Variants in ANKRD17 observed in about 807,000 individuals in gnomAD.
ANKRD17 encodes ankyrin repeat domain-containing protein 17.
ANKRD17 carries 19 observed loss-of-function variants against 229.7 expected under a neutral mutation model. That is an observed-to-expected ratio of 0.08 (90% confidence interval 0.06 to 0.12). ANKRD17 has a LOEUF of 0.12. ANKRD17 is among the 10% of genes least tolerant of loss of function. The pLI, the probability that ANKRD17 is intolerant of heterozygous loss-of-function variation, is 1.00. For missense variants in ANKRD17, 2,176 were observed against 3,176.8 expected (o/e 0.68, Z 7.57); for synonymous variants, 1,112 against 1,146.1 (o/e 0.97, Z 0.60).
At chr4:73,185,035 T>C (rs1270391033) in intron 1 of ANKRD17, among the ~76,000 whole-genome samples, 1 of 151,836 alleles carries the variant, frequency 6.6e-6, no homozygotes, top group Non-Finnish European at 1.5e-5. Context: ...GTAAAACAAA[T>C]GCATTATGTG....
At chr4:73,152,874 C>G (rs962423842) in intron 6 of ANKRD17, among the ~76,000 whole-genome samples, 2 of 152,130 alleles carry the variant, frequency 1.3e-5, no homozygotes, top group African/African-American at 4.8e-5. Context: ...ATCTGAAAAT[C>G]TATTAACATC....
At chr4:73,256,119 T>A (rs980377252) in intron 1 of ANKRD17, among the ~76,000 whole-genome samples, 24 of 152,216 alleles carry the variant, frequency 1.6e-4, no homozygotes, top group African/African-American at 5.8e-4. Flanking sequence ...GGATAAGGTA[T>A]GTTAAAAACA....
At chr4:73,133,741 T>A (rs554386291) in intron 16 of ANKRD17, among the ~76,000 whole-genome samples, 2 of 151,874 alleles carry the variant, frequency 1.3e-5, no homozygotes, top group East Asian at 3.9e-4. Context: ...GTTAAGAGTG[T>A]CTTTGGGGGA....
intron 1 of ANKRD17, among the ~76,000 whole-genome samples, chr4:73,217,600 G>A (rs1010561025): frequency 6.6e-6 from 1 of 151,816 alleles, no homozygotes; most frequent in Non-Finnish European, 1.5e-5. Context: ...GGGCTCAAGC[G>A]ATCCTCTTGC....
intron 30 of ANKRD17, among the ~76,000 whole-genome samples, chr4:73,084,886 A>C (rs984884211): frequency 2.6e-5 from 4 of 152,114 alleles, no homozygotes; most frequent in African/African-American, 9.7e-5. Flanking sequence ...TTTTTCCCCC[A>C]AAAAATGATC....
chr4:73,176,502 A>G (rs1734756219), intron 2 of ANKRD17, among the ~76,000 whole-genome samples: 1 of 152,144 alleles, frequency 6.6e-6, no homozygotes, highest in South Asian at 2.1e-4. Flanking sequence ...CTGCATTCCC[A>G]TGTTAATTAG....
At chr4:73,176,298 T>C (rs1734726465) in intron 2 of ANKRD17, among the ~76,000 whole-genome samples, 1 of 152,066 alleles carries the variant, frequency 6.6e-6, no homozygotes, top group Non-Finnish European at 1.5e-5. Flanking sequence ...AGACAGGCAA[T>C]GACAAATGCT....
At chr4:73,160,216 T>TC (rs1171227516) in intron 3 of ANKRD17, among the ~76,000 whole-genome samples, 8 of 138,486 alleles carry the variant, frequency 5.8e-5, no homozygotes. Context: ...ATCACTTTTT[T>TC]TTTTTTTTTT....
intron 1 of ANKRD17, among the ~76,000 whole-genome samples, chr4:73,194,469 C>G (rs1737565994): frequency 6.6e-6 from 1 of 152,106 alleles, no homozygotes; most frequent in Non-Finnish European, 1.5e-5. Flanking sequence ...TATAATAAAT[C>G]TTTAAATTCT....
At chr4:73,216,176 CCACTCT>C (rs1296015366) in intron 1 of ANKRD17, among the ~76,000 whole-genome samples, 1 of 151,922 alleles carries the variant, frequency 6.6e-6, no homozygotes, top group African/African-American at 2.4e-5. Flanking sequence ...TAAAACAATG[CCACTCT>C]CACAAATTTT....
At chr4:73,119,090 T>C (rs1049013760) in intron 21 of ANKRD17, among the ~76,000 whole-genome samples, 1 of 151,844 alleles carries the variant, frequency 6.6e-6, no homozygotes, top group African/African-American at 2.4e-5. Context: ...TCTTCCTATG[T>C]TACCCAGGCT....
intron 2 of ANKRD17, among the ~76,000 whole-genome samples, chr4:73,168,435 T>G (rs1367163994): frequency 6.7e-6 from 1 of 148,176 alleles, no homozygotes; most frequent in African/African-American, 2.7e-5. Context: ...GCTAAATATT[T>G]GATTGTGTGT....
At chr4:73,093,178 A>G (rs1441789732) in intron 28 of ANKRD17, among the ~76,000 whole-genome samples, 1 of 152,194 alleles carries the variant, frequency 6.6e-6, no homozygotes, top group Non-Finnish European at 1.5e-5. Context: ...ACAAACTTAT[A>G]TCTGCCATGT....
chr4:73,238,483 T>C (rs1431170602), intron 1 of ANKRD17, among the ~76,000 whole-genome samples: 1 of 152,128 alleles, frequency 6.6e-6, no homozygotes, highest in African/African-American at 2.4e-5. Context: ...CCAAGATTAA[T>C]CCATGAATGT....
At chr4:73,192,982 T>A (rs1737336099) in intron 1 of ANKRD17, among the ~76,000 whole-genome samples, 1 of 152,164 alleles carries the variant, frequency 6.6e-6, no homozygotes, top group Non-Finnish European at 1.5e-5. Flanking sequence ...AAATTCACCC[T>A]TTTTTCGTGG....
At chr4:73,190,658 C>T (rs1465777757) in intron 1 of ANKRD17, among the ~76,000 whole-genome samples, 1 of 151,252 alleles carries the variant, frequency 6.6e-6, no homozygotes, top group Non-Finnish European at 1.5e-5. Context: ...AAAATACAGC[C>T]ATCCTTCTAG....
At chr4:73,131,037 G>A (rs1728131385) in intron 16 of ANKRD17, among the ~76,000 whole-genome samples, 1 of 152,088 alleles carries the variant, frequency 6.6e-6, no homozygotes, top group Non-Finnish European at 1.5e-5. Context: ...AAAGGTCAGA[G>A]CAATGCTATC....
chr4:73,202,870 A>G (rs1738863765), intron 1 of ANKRD17, among the ~76,000 whole-genome samples: 1 of 152,246 alleles, frequency 6.6e-6, no homozygotes, highest in African/African-American at 2.4e-5. Context: ...TAGAATTAGC[A>G]AACAATAACT....
chr4:73,215,265 ATT>A (rs201276889), intron 1 of ANKRD17, among the ~76,000 whole-genome samples: 1 of 147,542 alleles, frequency 6.8e-6, no homozygotes, highest in African/African-American at 2.5e-5. Flanking sequence ...AGAAAATGTG[ATT>A]TTTTTTTTTT....
Sources: gnomAD v4.1 joint callset for allele counts (sites outside exome capture counted in the v4.1 genomes callset) on GRCh38, gnomAD v4.1.1 for gene constraint, MANE v1.5 for transcripts, NCBI Gene and HGNC (gene_info 2026-07-23, HGNC 2026-07-21) for gene names.